Variants in ZFPM1 observed in about 807,000 individuals in gnomAD.
The protein encoded by ZFPM1 is zinc finger protein ZFPM1.
A neutral mutation model predicts 46.3 loss-of-function variants in ZFPM1; 28 were observed. That is an observed-to-expected ratio of 0.60 (90% CI 0.45 to 0.83). ZFPM1 has a LOEUF of 0.83. Among genes scored for constraint, ZFPM1 ranks in the 40% least tolerant of loss-of-function variants. The pLI, the probability that ZFPM1 is intolerant of heterozygous loss-of-function variation, is 0.00. For missense variants in ZFPM1, 1,878 were observed against 1,432.4 expected (o/e 1.31, Z -5.02); for synonymous variants, 957 against 675.9 (o/e 1.42, Z -6.45).
intron 4 of ZFPM1, among the ~76,000 whole-genome samples, chr16:88,519,653 A>AGGTG (rs1451565074): frequency 1.2e-5 from 1 of 81,328 alleles, no homozygotes; most frequent in Non-Finnish European, 2.3e-5. Context: ...GATGATGGAT[A>AGGTG]GGTGGATGGA....
At chr16:88,490,500 C>T (rs1024035144) in intron 3 of ZFPM1, among the ~76,000 whole-genome samples, 7 of 152,184 alleles carry the variant, frequency 4.6e-5, no homozygotes, top group African/African-American at 1.4e-4. Flanking sequence ...TGCTGGGGAG[C>T]GGGAAAGGCT....
upstream of ZFPM1, among the ~76,000 whole-genome samples, chr16:88,452,368 G>A (rs978859620): frequency 6.6e-6 from 1 of 152,230 alleles, no homozygotes; most frequent in African/African-American, 2.4e-5. Flanking sequence ...AGAGGGGGCT[G>A]TGGCCCGGGC....
intron 3 of ZFPM1, among the ~76,000 whole-genome samples, chr16:88,501,891 G>T (rs951684489): frequency 6.6e-6 from 1 of 152,092 alleles, no homozygotes; most frequent in Non-Finnish European, 1.5e-5. Context: ...CCCGCGAGGG[G>T]GCTCCTGGGC....
rs1301262538 is a variant in ZFPM1, at chr16:88,536,324, A to C, written c.*1345A>C. 1 of 152,110 alleles carries C rather than the reference A, an allele frequency of 6.6e-6. No homozygotes were observed. Among genetic ancestry groups the C allele is most frequent in the East Asian group, 1.9e-4 (1 of 5,190 alleles). 9.4% of individuals were successfully genotyped at this position (152,110 alleles called of 1,614,324 possible). On this transcript the variant is annotated 3_prime_UTR_variant, in exon 10 of 10. Transcript: ENST00000319555. ...GTAGCTGGGACTACAGGCTTGACCC[A>C]CCACACCTGGCTAACTTTTAAAACA... is the stretch of plus-strand genomic sequence containing the variant.
At chr16:88,486,884 C>G (rs555393941) in intron 2 of ZFPM1, among the ~76,000 whole-genome samples, 153 of 152,216 alleles carry the variant, frequency 1.0e-3, no homozygotes, top group African/African-American at 3.5e-3. Context: ...GTGTCTCCTG[C>G]TAAGACACCA....
intron 1 of ZFPM1, 66 bp downstream of exon 1, chr16:88,453,744 G>A: frequency 5.1e-6 from 5 of 987,982 alleles, no homozygotes; most frequent in Non-Finnish European, 6.2e-6. Flanking sequence ...AGCCGCCAGC[G>A]CCGCCCCCGC....
At chr16:88,490,115 G>A (rs548966797) in intron 3 of ZFPM1, among the ~76,000 whole-genome samples, 14 of 151,616 alleles carry the variant, frequency 9.2e-5, no homozygotes, top group Non-Finnish European at 1.9e-4. Flanking sequence ...GTGCAATGGC[G>A]CGATCTCGGC....
At chr16:88,485,346 A>G (rs1414770586) in intron 1 of ZFPM1, among the ~76,000 whole-genome samples, 1 of 151,774 alleles carries the variant, frequency 6.6e-6, no homozygotes, top group African/African-American at 2.4e-5. Context: ...GGCGTGGTGG[A>G]GGCCAAGGGT....
At chr16:88,487,883 G>C (rs1039073544) in intron 2 of ZFPM1, among the ~76,000 whole-genome samples, 1 of 152,200 alleles carries the variant, frequency 6.6e-6, no homozygotes, top group African/African-American at 2.4e-5. Flanking sequence ...GCCAGGTGCA[G>C]GCGTCCAGCC....
At position 88,532,840 on chromosome 16, in the gene ZFPM1, G is replaced by A. The variant is rs1391727101; in HGVS notation, c.1094G>A (p.Ser365Asn). The part of the protein sequence containing the change: ...FISTTRDILY[S>N]HLVTNHMVCQ... ...TCCACCACAAGGGACATCCTCTACA[G>A]CCACTTGGTCACCAACCACATGGTC... The change falls in exon 9 of 10, where the codon AGC (serine) becomes AAC (asparagine). Residue 365 changes from serine (S) to asparagine (N), a missense_variant. By Grantham distance (46) the Ser-to-Asn change is conservative. Transcript: ENST00000319555. 6.2e-7 allele frequency: 1 copy of A among 1,613,470 alleles called. No homozygotes were observed. The highest frequency in any genetic ancestry group is 1.3e-5 in the African/African-American group (1 of 75,036).
At chr16:88,529,589 G>C (rs774491188) in intron 6 of ZFPM1, among the ~76,000 whole-genome samples, 8 of 152,222 alleles carry the variant, frequency 5.3e-5, no homozygotes, top group Non-Finnish European at 1.2e-4. Flanking sequence ...GGCTCAGAGA[G>C]CCCTGGGGCC....
At chr16:88,507,040 C>T (rs181700694) in intron 3 of ZFPM1, among the ~76,000 whole-genome samples, 22 of 152,308 alleles carry the variant, frequency 1.4e-4, no homozygotes, top group African/African-American at 4.1e-4. Flanking sequence ...CTGCCTGCTC[C>T]GCTCGGCGAC....
intron 6 of ZFPM1, among the ~76,000 whole-genome samples, chr16:88,528,545 G>A (rs915769247): frequency 1.3e-5 from 2 of 152,168 alleles, no homozygotes; most frequent in Non-Finnish European, 2.9e-5. Flanking sequence ...GGGCAGACGC[G>A]GGGGCGGCCC....
intron 4 of ZFPM1, chr16:88,516,594 G>C (rs1263163301): frequency 5.0e-6 from 2 of 398,552 alleles, no homozygotes; most frequent in Non-Finnish European, 8.8e-6. Flanking sequence ...CGAGTGTCCA[G>C]ACACACCGTA....
rs532973764 is a variant in ZFPM1, at chr16:88,534,165, C to T, written c.2207C>T (p.Ala736Val). The change falls in exon 10 of 10, where the codon GCG becomes GTG. Residue 736 changes from alanine (A) to valine (V), a missense_variant. Ala to Val is a moderately conservative substitution (Grantham distance 64). Coordinates refer to ENST00000319555, the MANE Select transcript of ZFPM1 (RefSeq NM_153813.3). The part of the protein sequence containing the change: ...PAAPPAPSPA[A>V]PVRTRRRRKL... ...GCGCCCCCGGCCCCCTCTCCCGCCG[C>T]GCCTGTGCGCACGCGCAGACGCCGC... is the stretch of plus-strand genomic sequence containing the variant. 265 of 996,628 alleles carry T rather than the reference C, an allele frequency of 2.7e-4. No individual in the cohort carries two copies. In the African/African-American group the frequency reaches 4.3e-3, roughly 16 times the overall value. 61.7% of individuals were successfully genotyped at this position (996,628 alleles called of 1,614,324 possible).
Position 88,514,324 on chromosome 16 carries a change from C to T in ZFPM1, c.269-63C>T, listed in dbSNP as rs1325537968. On this transcript the variant is annotated intron_variant, in intron 3 of 9. Transcript: ENST00000319555. ...CCACTGCCCCTTGGGCCAACCCTAG[C>T]GGGAGGTGGGCTGGACAGGCCCCAG... 1.8e-5 allele frequency: 27 copies of T among 1,541,994 alleles called. No homozygotes were observed. The East Asian group carries it at 3.2e-4, about 18-fold the overall frequency.
chr16:88,530,015 G>A (rs949308487), intron 6 of ZFPM1, among the ~76,000 whole-genome samples: 7 of 152,170 alleles, frequency 4.6e-5, no homozygotes, highest in African/African-American at 9.7e-5. Flanking sequence ...AAGAGAACAC[G>A]GGCCGCAGGT....
At chr16:88,533,051 T>TTGCCCCC in intron 9 of ZFPM1, 97 bp from the exon 10 acceptor site, 3 of 1,351,624 alleles carry the variant, frequency 2.2e-6, no homozygotes, top group Non-Finnish European at 3.0e-6. Context: ...TCTAAACCAC[T>TTGCCCCC]CCCGCCCACC....
intron 2 of ZFPM1, among the ~76,000 whole-genome samples, chr16:88,487,130 T>C (rs920765395): frequency 6.6e-6 from 1 of 152,210 alleles, no homozygotes; most frequent in African/African-American, 2.4e-5. Flanking sequence ...GGAGGCCTGC[T>C]GGAGCCAGCT....
Sources: allele counts gnomAD v4.1 joint callset (sites outside exome capture counted in the v4.1 genomes callset), GRCh38; gene constraint gnomAD v4.1.1; transcripts MANE v1.5; gene names NCBI Gene and HGNC (gene_info 2026-07-23, HGNC 2026-07-21).